PKD1L3: variants seen among roughly 807,000 people sequenced by gnomAD.
PKD1L3 encodes the protein polycystin 1 like 3, transient receptor potential channel interacting, also known as polycystin-1-like protein 3.
PKD1L3 carries 239 observed loss-of-function variants against 184.1 expected under a neutral mutation model. The observed-to-expected ratio is 1.30, with a 90% CI of 1.17 to 1.45. The LOEUF (loss-of-function observed/expected upper bound fraction) is 1.45. Among genes scored for constraint, PKD1L3 ranks in the 40% most tolerant of loss-of-function variants. PKD1L3 has a pLI of 0.00. For synonymous variants in PKD1L3, 996 were observed against 778.8 expected (o/e 1.28, Z -4.64); for missense variants, 2,660 against 2,067.2 (o/e 1.29, Z -5.56).
intron 19 of PKD1L3, 86 bp downstream of exon 19, chr16:71,951,478 G>A (rs746497768): frequency 4.7e-5 from 63 of 1,335,136 alleles, no homozygotes; most frequent in African/African-American, 4.1e-4. Flanking sequence ...CAGGCCTGTC[G>A]GTTATGAATG....
At chr16:71,986,186 C>T in intron 5 of PKD1L3, 35 bp downstream of exon 5, 1 of 1,547,750 alleles carries the variant, frequency 6.5e-7, no homozygotes, top group East Asian at 2.4e-5. Context: ...TTGGGGGTCA[C>T]AAAGCTACCT....
rs1022559274 is a variant in PKD1L3, at chr16:71,973,570, A to G, written c.1760-53T>C. 1.5e-5 allele frequency: 22 copies of G among 1,424,440 alleles called. No homozygotes were observed. In the Admixed American group the frequency reaches 4.5e-4, roughly 29 times the overall value. 88.2% of individuals were successfully genotyped at this position (1,424,440 alleles called of 1,614,324 possible). ...TATATCAAATGGAACAAAAACACCAATGAACCTCTCTTCTAAAGGATCTAT... is the reference window on the plus strand; with the variant it reads ...TATATCAAATGGAACAAAAACACCAGTGAACCTCTCTTCTAAAGGATCTAT... On this transcript the variant is annotated intron_variant, in intron 11 of 29. Transcript: ENST00000620267.
At chr16:71,957,907 C>T (rs1337220334) in intron 16 of PKD1L3, among the ~76,000 whole-genome samples, 1 of 152,184 alleles carries the variant, frequency 6.6e-6, no homozygotes, top group African/African-American at 2.4e-5. Flanking sequence ...AAGATAAATT[C>T]ATCTGTGCTG....
intron 2 of PKD1L3, among the ~76,000 whole-genome samples, chr16:71,994,856 C>T (rs1333887733): frequency 6.6e-6 from 1 of 151,878 alleles, no homozygotes; most frequent in African/African-American, 2.4e-5. Flanking sequence ...AAAAATTAGC[C>T]GAGTGCCTAT....
At chr16:71,988,355 C>T (rs761907565) in intron 4 of PKD1L3, among the ~76,000 whole-genome samples, 2 of 152,140 alleles carry the variant, frequency 1.3e-5, no homozygotes, top group Non-Finnish European at 1.5e-5. Context: ...CCATCACACC[C>T]GGCTAATTTT....
chr16:71,945,693 A>G (rs981531765), intron 22 of PKD1L3, among the ~76,000 whole-genome samples: 1 of 151,912 alleles, frequency 6.6e-6, no homozygotes, highest in Non-Finnish European at 1.5e-5. Flanking sequence ...TAAATAAATA[A>G]AAATAAAAAT....
At chr16:71,970,433 C>T (rs537107338) in intron 12 of PKD1L3, among the ~76,000 whole-genome samples, 22 of 152,182 alleles carry the variant, frequency 1.4e-4, no homozygotes, top group Non-Finnish European at 2.1e-4. Flanking sequence ...AAACAACTTA[C>T]ATGTTCAATA....
In PKD1L3 at chr16:71,952,979, T is replaced by G. The variant is rs1390271551; in HGVS notation, c.2924A>C (p.Glu975Ala). ...GRLFPLIEPQ[E>A]TLPLFPPIQA... ...GATGGGAGGAAAGAGGGGCAGAGTCTCCTGTGGCTCAATCAACGGGAAGAG... is the reference window on the plus strand; with the variant it reads ...GATGGGAGGAAAGAGGGGCAGAGTCGCCTGTGGCTCAATCAACGGGAAGAG... Residue 975 changes from glutamate to alanine, a missense_variant, in exon 18 of 30, where the codon GAG (glutamate) becomes GCG (alanine). Transcript: ENST00000620267. The G allele has an allele frequency of 6.5e-7, 1 of 1,549,650 alleles. No homozygotes were observed. Among genetic ancestry groups the G allele is most frequent in the African/African-American group, 1.4e-5 (1 of 72,934 alleles).
At chr16:71,983,636 A>G (rs921476799) in intron 6 of PKD1L3, among the ~76,000 whole-genome samples, 3 of 148,916 alleles carry the variant, frequency 2.0e-5, no homozygotes, top group Non-Finnish European at 4.5e-5. Flanking sequence ...TAAGCTTGGC[A>G]TAAGGCACAA....
At chr16:71,937,175 C>G (rs1480534476) in intron 25 of PKD1L3, 117 bp downstream of exon 25, 1 of 1,034,412 alleles carries the variant, frequency 9.7e-7, no homozygotes, top group Admixed American at 2.8e-5. Context: ...CACATCTCAG[C>G]CTCCCGAGTA....
rs2038212243 is a variant in PKD1L3, at chr16:71,937,278, CATT to C, written c.4452+11_4452+13del. The stretch of plus-strand genomic sequence containing the variant: ...CCATGTTGCCCAGGCTGACATCTAA[CATT>C]ATTGACTCACCTGTATGAAGGCATA... On this transcript the variant is annotated intron_variant, in intron 25 of 29. Transcript: ENST00000620267. The C allele has an allele frequency of 1.9e-6, 3 of 1,547,874 alleles. No individual in the cohort carries two copies. The highest frequency in any genetic ancestry group is 1.7e-4 in the Middle Eastern group (1 of 5,978).
At position 71,933,478 on chromosome 16, in the gene PKD1L3, A is replaced by C; in HGVS notation, c.4868T>G (p.Phe1623Cys). ...FGCSISDYRTFFSSAVTVVGL... is the reference protein window; with the variant it reads ...FGCSISDYRTCFSSAVTVVGL... ...AACAACAGTCACTGCTGAGCTGAAA[A>C]ATGTCCGGTAGTCAGAGATGCTGCA... Residue 1623 changes from phenylalanine to cysteine, a missense_variant, in exon 28 of 30, where the codon TTT (phenylalanine) becomes TGT (cysteine). By Grantham distance (205) the Phe-to-Cys change is radical (BLOSUM62 -2). Coordinates refer to ENST00000620267, the MANE Select transcript of PKD1L3 (RefSeq NM_181536.2). 6.4e-7 allele frequency: 1 copy of C among 1,551,780 alleles called. No individual in the cohort carries two copies. The highest frequency in any genetic ancestry group is 8.7e-7 in the Non-Finnish European group (1 of 1,146,918).
At chr16:71,943,555 A>AAAAAC (rs2038443746) in intron 23 of PKD1L3, among the ~76,000 whole-genome samples, 1 of 151,784 alleles carries the variant, frequency 6.6e-6, no homozygotes, top group South Asian at 2.1e-4. Context: ...AAAAAAAAAA[A>AAAAAC]AAACATAAAA....
intron 27 of PKD1L3, 34 bp downstream of exon 27, chr16:71,933,881 A>G (rs772882818): frequency 1.3e-6 from 2 of 1,541,996 alleles, no homozygotes; most frequent in South Asian, 2.4e-5. Flanking sequence ...ACCACAGCAC[A>G]CGGAGAAGGA....
In PKD1L3 at chr16:71,969,986, G is replaced by A. The variant is rs768507548; in HGVS notation, c.2073C>T (p.Phe691=). The stretch of plus-strand genomic sequence containing the variant: ...CAACAGGATTGTTGGTCACGCGAAG[G>A]AACAGTTTGATCGTGTCTTCAACAT... ...TVNVEDTIKL[F]LRVTNNPVGV... Residue 691 remains phenylalanine (F), a synonymous_variant, in exon 13 of 30, where the codon TTC becomes TTT. Transcript: ENST00000620267. The A allele has an allele frequency of 4.5e-6, 7 of 1,551,786 alleles. No individual in the cohort carries two copies. The East Asian group carries it at 1.2e-4, about 27-fold the overall frequency.
chr16:71,951,310 G>T (rs187333265), intron 19 of PKD1L3, among the ~76,000 whole-genome samples: 93 of 152,316 alleles, frequency 6.1e-4, no homozygotes, highest in Middle Eastern at 3.4e-3. Context: ...AAAGTGCCGG[G>T]ATTACAGGCG....
In PKD1L3 at chr16:71,982,731, G is replaced by A. The variant is rs370288772; in HGVS notation, c.967-496C>T. On this transcript the variant is annotated intron_variant, in intron 6 of 29. Transcript: ENST00000620267. Reference sequence around the variant, plus strand: ...CCTTCCTCAGCCTCCCCAGTAGCTAGGACACAGGTGGGTACCACCACACCT... The same window carrying A: ...CCTTCCTCAGCCTCCCCAGTAGCTAAGACACAGGTGGGTACCACCACACCT... Among the ~76,000 whole-genome samples, 111 of 152,070 alleles carry A rather than the reference G, an allele frequency of 7.3e-4. 4 individuals are homozygous for A. The East Asian group carries it at 0.02, about 27-fold the overall frequency.
intron 7 of PKD1L3, among the ~76,000 whole-genome samples, chr16:71,981,785 C>T (rs535785804): frequency 1.3e-5 from 2 of 152,224 alleles, no homozygotes; most frequent in East Asian, 3.9e-4. Context: ...AGGTGATCTG[C>T]CTGCCTTGGC....
chr16:71,935,761 T>C (rs911410459), intron 25 of PKD1L3, among the ~76,000 whole-genome samples: 1 of 152,194 alleles, frequency 6.6e-6, no homozygotes, highest in Non-Finnish European at 1.5e-5. Context: ...TTCTTGGAGA[T>C]CATAAACTGT....
Sources: allele counts gnomAD v4.1 joint callset (sites outside exome capture counted in the v4.1 genomes callset), GRCh38; gene constraint gnomAD v4.1.1; transcripts MANE v1.5; gene names NCBI Gene and HGNC (gene_info 2026-07-23, HGNC 2026-07-21).